GRM8: variants seen among roughly 807,000 people sequenced by gnomAD.
GRM8 encodes the protein metabotropic glutamate receptor 8.
GRM8 carries 47 observed loss-of-function variants against 87.2 expected under a neutral mutation model. That is an observed-to-expected ratio of 0.54 (90% CI 0.43 to 0.69). GRM8 has a LOEUF of 0.69. Among genes scored for constraint, GRM8 ranks in the 30% least tolerant of loss-of-function variants. The pLI, the probability that GRM8 is intolerant of heterozygous loss-of-function variation, is 0.00. For missense variants in GRM8, 1,019 were observed against 1,139.2 expected, an observed-to-expected ratio of 0.89 and a Z score of 1.52; for synonymous variants, 396 against 404.5, an observed-to-expected ratio of 0.98 and a Z score of 0.25.
chr7:127,218,998 G>C (rs985811158), intron 2 of GRM8, among the ~76,000 whole-genome samples: 1 of 152,172 alleles, frequency 6.6e-6, no homozygotes, highest in Non-Finnish European at 1.5e-5. Context: ...TGGCAGGTAA[G>C]AGTTGGTTGC....
At chr7:127,072,186 C>A (rs1821761535) in intron 3 of GRM8, among the ~76,000 whole-genome samples, 1 of 152,148 alleles carries the variant, frequency 6.6e-6, no homozygotes, top group South Asian at 2.1e-4. Context: ...CCTGTACACC[C>A]AACTACCCTG....
In GRM8 at chr7:126,701,837, T is replaced by A. The variant is rs1485020287; in HGVS notation, c.1357+68028A>T. 2.5e-6 allele frequency: 3 copies of A among 1,212,840 alleles called. No homozygotes were observed. The East Asian group carries it at 1.7e-4, about 69-fold the overall frequency. The allele number at this position is 1,212,840 out of a possible 1,614,324, so 75.1% of individuals were successfully genotyped here. On this transcript the variant is annotated intron_variant, in intron 7 of 10. Coordinates refer to ENST00000339582, the MANE Select transcript of GRM8 (RefSeq NM_000845.3). ...ATCCCTCTTCGGCAACCTAAGAAGA[T>A]AAGTCTGTCAGAGAATAGTGATTAT...
chr7:126,858,749 A>C lies in GRM8; in HGVS notation c.1156+43793T>G, dbSNP rs116166591. Among the ~76,000 whole-genome samples, 971 of 152,258 alleles carry C rather than the reference A, an allele frequency of 6.4e-3. 11 individuals are homozygous for C. Among genetic ancestry groups the C allele is most frequent in the African/African-American group, 0.022 (901 of 41,532 alleles). On this transcript the variant is annotated intron_variant, in intron 6 of 10. Coordinates refer to ENST00000339582, the MANE Select transcript of GRM8 (RefSeq NM_000845.3). ...ATGTTCCTTGTTTCTGCTTTTTTCC[A>C]GTCCTGTTAAAACTAACCCCCTCTG...
intron 7 of GRM8, among the ~76,000 whole-genome samples, chr7:126,701,069 A>G (rs1809870278): frequency 6.6e-6 from 1 of 151,998 alleles, no homozygotes; most frequent in African/African-American, 2.4e-5. Context: ...ATATATAACC[A>G]ATAATTACCA....
Position 126,910,582 on chromosome 7 carries a change from G to A in GRM8, c.728-5899C>T, listed in dbSNP as rs370803360. Among the ~76,000 whole-genome samples, 9 of 152,286 alleles carry A rather than the reference G, an allele frequency of 5.9e-5. No homozygotes were observed. The East Asian group carries it at 1.2e-3, about 20-fold the overall frequency. ...GAAGTAAAAAAAATATTTGGGCCAT[G>A]ACAATTCAGAGGAAGTTGTCACTGA... On this transcript the variant is annotated intron_variant, in intron 3 of 10. Coordinates refer to ENST00000339582, the MANE Select transcript of GRM8 (RefSeq NM_000845.3).
At chr7:126,748,881 A>G (rs1029769632) in intron 7 of GRM8, among the ~76,000 whole-genome samples, 2 of 152,138 alleles carry the variant, frequency 1.3e-5, no homozygotes, top group African/African-American at 4.8e-5. Context: ...AATATAATAC[A>G]ATGGGAGACA....
intron 7 of GRM8, among the ~76,000 whole-genome samples, chr7:126,748,237 T>A (rs1340561606): frequency 6.6e-6 from 1 of 152,048 alleles, no homozygotes; most frequent in Non-Finnish European, 1.5e-5. Flanking sequence ...CATTTGTAGA[T>A]AATATGATTA....
intron 3 of GRM8, among the ~76,000 whole-genome samples, chr7:127,027,821 A>C (rs1816940005): frequency 6.6e-6 from 1 of 152,044 alleles, no homozygotes; most frequent in Non-Finnish European, 1.5e-5. Flanking sequence ...AATAGTCTTT[A>C]TTTCTTTCTC....
rs575150842 is a variant in GRM8 at position 127,159,587 on chromosome 7, G to A, written c.511-52875C>T. Among the ~76,000 whole-genome samples, 11 of 152,076 alleles carry A rather than the reference G, an allele frequency of 7.2e-5. No individual in the cohort carries two copies. In the East Asian group the frequency reaches 2.1e-3, roughly 29 times the overall value. Reference sequence around the variant, plus strand: ...TTTCTGGGAGAAAAAAAAAATGACAGGACTGAAAGTTGAACTTTAAAAAAA... The same window carrying A: ...TTTCTGGGAGAAAAAAAAAATGACAAGACTGAAAGTTGAACTTTAAAAAAA... On this transcript the variant is annotated intron_variant, in intron 2 of 10. Coordinates refer to ENST00000339582, the MANE Select transcript of GRM8 (RefSeq NM_000845.3).
chr7:126,928,869 AG>A (rs1486301309), intron 3 of GRM8, among the ~76,000 whole-genome samples: 1 of 152,158 alleles, frequency 6.6e-6, no homozygotes, highest in Non-Finnish European at 1.5e-5. Flanking sequence ...GAACACTTTT[AG>A]GGAAAAAAAA....
At chr7:127,167,940 A>T (rs1183335980) in intron 2 of GRM8, among the ~76,000 whole-genome samples, 1 of 152,218 alleles carries the variant, frequency 6.6e-6, no homozygotes, top group African/African-American at 2.4e-5. Flanking sequence ...CATTTAGGAC[A>T]TAGGCATGGG....
chr7:126,655,701 T>C (rs1453607143), intron 7 of GRM8, among the ~76,000 whole-genome samples: 1 of 152,224 alleles, frequency 6.6e-6, no homozygotes, highest in South Asian at 2.1e-4. Context: ...ATTATTGTTT[T>C]AATTTATCAA....
At chr7:126,693,118 T>A (rs10273625) in intron 7 of GRM8, among the ~76,000 whole-genome samples, 3,122 of 152,168 alleles carry the variant, frequency 0.021, 108 homozygotes, top group African/African-American at 0.072. Flanking sequence ...CCTCTAAAGA[T>A]CACAGCAGTC....
chr7:127,063,508 G>A (rs1217320888), intron 3 of GRM8, among the ~76,000 whole-genome samples: 5 of 152,176 alleles, frequency 3.3e-5, no homozygotes, highest in South Asian at 2.1e-4. Context: ...CCAGGGAGGC[G>A]GAGGTTGTAG....
intron 2 of GRM8, chr7:127,111,184 G>A (rs1826312609): frequency 6.6e-6 from 1 of 152,126 alleles, no homozygotes; most frequent in Admixed American, 6.5e-5. Flanking sequence ...GAGTTATTTG[G>A]TGCTTGCCCA....
intron 6 of GRM8, among the ~76,000 whole-genome samples, chr7:126,900,909 T>C (rs941902139): frequency 6.6e-6 from 1 of 152,116 alleles, no homozygotes; most frequent in African/African-American, 2.4e-5. Flanking sequence ...CCAATCCTCT[T>C]CACACTTCTG....
Position 126,451,259 on chromosome 7 carries a change from T to C in GRM8, c.2431-4887A>G, listed in dbSNP as rs1451929350. ...CCCTAAACTTGATCTCCCAGTGGTC[T>C]ACCCTATCTCATTAATACCGTGCTT... On this transcript the variant is annotated intron_variant, in intron 9 of 10. Transcript: ENST00000339582. 3.3e-5 allele frequency among the ~76,000 whole-genome samples: 5 copies of C among 151,822 alleles called. No individual in the cohort carries two copies. In the East Asian group the frequency reaches 7.8e-4, roughly 24 times the overall value.
intron 3 of GRM8, among the ~76,000 whole-genome samples, chr7:127,086,299 A>G (rs1258593344): frequency 6.6e-6 from 1 of 152,102 alleles, no homozygotes; most frequent in African/African-American, 2.4e-5. Flanking sequence ...GCCAGGTTTC[A>G]CCATATTAGC....
intron 3 of GRM8, among the ~76,000 whole-genome samples, chr7:127,049,611 C>A (rs1192910716): frequency 6.6e-6 from 1 of 152,078 alleles, no homozygotes; most frequent in African/African-American, 2.4e-5. Flanking sequence ...GATTCCCATC[C>A]TCATTAAGCT....
Sources: gnomAD v4.1 joint callset for allele counts (sites outside exome capture counted in the v4.1 genomes callset) on GRCh38, gnomAD v4.1.1 for gene constraint, MANE v1.5 for transcripts, NCBI Gene and HGNC (gene_info 2026-07-23, HGNC 2026-07-21) for gene names.